DIO1: variants seen among roughly 807,000 people sequenced by gnomAD.
DIO1 encodes the protein type I iodothyronine deiodinase.
A neutral mutation model predicts 25.9 loss-of-function variants in DIO1; 17 were observed. That is an observed-to-expected ratio of 0.66 (90% CI 0.45 to 0.98). The LOEUF (loss-of-function observed/expected upper bound fraction) is 0.98, where lower values mean the gene tolerates loss of function less well. DIO1 is among the 50% of genes least tolerant of loss of function. The pLI is 0.00. For missense variants in DIO1, 270 were observed against 310.4 expected, an observed-to-expected ratio of 0.87 and a Z score of 0.98; for synonymous variants, 115 against 114.0, an observed-to-expected ratio of 1.01 and a Z score of -0.05.
At chr1:53,899,836 GAT>G (rs1027780217) in intron 1 of DIO1, among the ~76,000 whole-genome samples, 5 of 152,068 alleles carry the variant, frequency 3.3e-5, no homozygotes, top group Admixed American at 6.6e-5. Flanking sequence ...ACCACGCCTG[GAT>G]AATTTTTTTT....
intron 3 of DIO1, among the ~76,000 whole-genome samples, chr1:53,908,376 G>A (rs765509999): frequency 1.3e-5 from 2 of 152,218 alleles, no homozygotes; most frequent in Non-Finnish European, 2.9e-5. Context: ...TATAGGGCCT[G>A]ATAGTAAATA....
chr1:53,898,960 G>A (rs1381841336), intron 1 of DIO1, among the ~76,000 whole-genome samples: 1 of 152,168 alleles, frequency 6.6e-6, no homozygotes, highest in African/African-American at 2.4e-5. Flanking sequence ...CACACAGTGA[G>A]TTCTTAGAAG....
At chr1:53,896,698 T>C (rs190114548) in intron 1 of DIO1, among the ~76,000 whole-genome samples, 20 of 152,236 alleles carry the variant, frequency 1.3e-4, no homozygotes, top group Admixed American at 8.5e-4. Flanking sequence ...TACAGTTCCA[T>C]AGAACAGATG....
chr1:53,897,150 C>T (rs1651118632), intron 1 of DIO1, among the ~76,000 whole-genome samples: 1 of 152,224 alleles, frequency 6.6e-6, no homozygotes, highest in South Asian at 2.1e-4. Context: ...TGTAACTGTC[C>T]ACTTTCAGTG....
intron 3 of DIO1, among the ~76,000 whole-genome samples, chr1:53,906,897 G>A (rs1651685196): frequency 4.6e-5 from 7 of 152,204 alleles, no homozygotes; most frequent in Admixed American, 3.3e-4. Context: ...CAAGTGATCT[G>A]CCCGCCTTGG....
Position 53,904,798 on chromosome 1 carries a change from C to T in DIO1, c.470C>T (p.Ala157Val). Residue 157 changes from alanine (A) to valine (V), a missense_variant, in exon 2 of 4, where the codon GCA becomes GTA. Physicochemically the swap from Ala to Val is moderately conservative, Grantham distance 64. Coordinates refer to ENST00000361921, the MANE Select transcript of DIO1 (RefSeq NM_000792.7). Reference sequence around the variant, plus strand: ...TTTCTTGTCATTTACATTGAAGAAGCACATGCATCAGGTACAGAAAGATTC... The same window carrying T: ...TTTCTTGTCATTTACATTGAAGAAGTACATGCATCAGGTACAGAAAGATTC... ...ADFLVIYIEE[A>V]HASDGWAFKN... The T allele has an allele frequency of 6.2e-7, 1 of 1,611,702 alleles. No homozygotes were observed. Among genetic ancestry groups the T allele is most frequent in the Non-Finnish European group, 8.5e-7 (1 of 1,178,982 alleles).
chr1:53,904,968 A>G, intron 2 of DIO1, 159 bp downstream of exon 2: 1 of 707,356 alleles, frequency 1.4e-6, no homozygotes, highest in Non-Finnish European at 2.3e-6. Flanking sequence ...CAGGCCCTGC[A>G]CTGGGCTAAC....
intron 1 of DIO1, 138 bp from the exon 2 acceptor site, chr1:53,904,528 C>A: frequency 1.0e-6 from 1 of 998,672 alleles, no homozygotes; most frequent in Non-Finnish European, 1.5e-6. Context: ...GGTGTCGGAC[C>A]CCAGTGCCTA....
At chr1:53,901,458 T>G (rs1651362762) in intron 1 of DIO1, among the ~76,000 whole-genome samples, 1 of 152,134 alleles carries the variant, frequency 6.6e-6, no homozygotes, top group African/African-American at 2.4e-5. Context: ...GTGGTTGCCA[T>G]GGGAACCCAT....
intron 1 of DIO1, among the ~76,000 whole-genome samples, chr1:53,895,511 G>A (rs1250972971): frequency 3.3e-5 from 5 of 152,126 alleles, no homozygotes; most frequent in Non-Finnish European, 5.9e-5. Context: ...GTTCTTGACC[G>A]TTCCAGTTTT....
intron 1 of DIO1, among the ~76,000 whole-genome samples, chr1:53,896,100 A>C (rs1569690735): frequency 2.0e-5 from 3 of 150,794 alleles, no homozygotes; most frequent in Admixed American, 2.0e-4. Context: ...TGTGTGTCTG[A>C]TTTATCTCTG....
intron 1 of DIO1, among the ~76,000 whole-genome samples, chr1:53,900,813 TTCTC>T (rs1651320182): frequency 6.6e-6 from 1 of 151,720 alleles, no homozygotes; most frequent in South Asian, 2.1e-4. Context: ...GGCGCCCATT[TTCTC>T]TCTTTTTCTC....
At position 53,906,204 on chromosome 1, in the gene DIO1, G is replaced by A; in HGVS notation, c.591G>A (p.Val197=). ...LLARSPQCPV[V]VDTMQNQSSQ... ...CCAGGAGCCCCCAGTGCCCTGTGGT[G>A]GTGGACACCATGCAGAACCAGAGCA... Residue 197 remains valine (V), a synonymous_variant, in exon 3 of 4, where the codon GTG becomes GTA. Coordinates refer to ENST00000361921, the MANE Select transcript of DIO1 (RefSeq NM_000792.7). The A allele has an allele frequency of 6.2e-7, 1 of 1,614,190 alleles. No homozygotes were observed. Among genetic ancestry groups the A allele is most frequent in the Non-Finnish European group, 8.5e-7 (1 of 1,180,034 alleles).
chr1:53,903,206 T>G (rs969044556), intron 1 of DIO1: 4 of 152,092 alleles, frequency 2.6e-5, no homozygotes, highest in Non-Finnish European at 5.9e-5. Context: ...AGTGCCATAG[T>G]GCAATTCGCC....
chr1:53,898,363 G>A (rs940740687), intron 1 of DIO1, among the ~76,000 whole-genome samples: 3 of 152,266 alleles, frequency 2.0e-5, no homozygotes, highest in South Asian at 4.1e-4. Flanking sequence ...CTTGTGTGTC[G>A]TAGCTGCAGG....
chr1:53,907,545 C>T (rs941801624), intron 3 of DIO1, among the ~76,000 whole-genome samples: 9 of 152,210 alleles, frequency 5.9e-5, no homozygotes, highest in Non-Finnish European at 1.5e-5. Context: ...ATGATTGAGG[C>T]ACCCTGGGCA....
Position 53,906,015 on chromosome 1 carries a change from G to T in DIO1, c.482-80G>T, listed in dbSNP as rs1651635828. ...GCCAAGGGCTCCTCTGAGAACCTCA[G>T]TTAAAAGTGAGGGGCTATTTAGTCT... On this transcript the variant is annotated intron_variant, in intron 2 of 3. Transcript: ENST00000361921. 9.4e-6 allele frequency: 13 copies of T among 1,385,352 alleles called. No homozygotes were observed. In the South Asian group the frequency reaches 1.5e-4, roughly 16 times the overall value. The allele number at this position is 1,385,352 out of a possible 1,614,324, so 85.8% of individuals were successfully genotyped here.
chr1:53,903,788 G>C (rs1651502407), intron 1 of DIO1, among the ~76,000 whole-genome samples: 1 of 151,934 alleles, frequency 6.6e-6, no homozygotes, highest in Admixed American at 6.5e-5. Context: ...GGCGGAGTTT[G>C]CAGTGAGCTG....
chr1:53,905,278 G>T (rs142506988), intron 2 of DIO1, among the ~76,000 whole-genome samples: 1 of 147,576 alleles, frequency 6.8e-6, no homozygotes, highest in Admixed American at 6.8e-5. Flanking sequence ...GGGCTAAATC[G>T]ATCCTCCTGT....
Sources: allele counts gnomAD v4.1 joint callset (sites outside exome capture counted in the v4.1 genomes callset), GRCh38; gene constraint gnomAD v4.1.1; transcripts MANE v1.5; gene names NCBI Gene and HGNC (gene_info 2026-07-23, HGNC 2026-07-21).